ATXN2: variants seen among roughly 807,000 people sequenced by gnomAD.
ATXN2 encodes the protein ataxin-2.
In ATXN2, 37 loss-of-function variants were observed where a neutral mutation model predicts 138.6. The ratio of observed to expected loss-of-function variants is 0.27; its 90% CI spans 0.21 to 0.35. ATXN2 has a LOEUF of 0.35. Among genes scored for constraint, ATXN2 ranks in the 10% least tolerant of loss-of-function variants. The pLI, the probability that ATXN2 is intolerant of heterozygous loss-of-function variation, is 1.00. For synonymous variants in ATXN2, 549 were observed against 543.7 expected (o/e 1.01, Z -0.13); for missense variants, 1,216 against 1,480.3 (o/e 0.82, Z 2.93).
chr12:111,463,918 C>T (rs1338498353), intron 21 of ATXN2, among the ~76,000 whole-genome samples: 1 of 152,154 alleles, frequency 6.6e-6, no homozygotes, highest in African/African-American at 2.4e-5. Context: ...TCCCTAGTAG[C>T]TGAGATTATA....
chr12:111,491,222 C>T (rs905810937), intron 14 of ATXN2, among the ~76,000 whole-genome samples: 35 of 152,202 alleles, frequency 2.3e-4, no homozygotes, highest in African/African-American at 8.2e-4. Flanking sequence ...CACTATACTC[C>T]AGCCTGGGCA....
At chr12:111,542,742 A>G (rs1324274852) in intron 5 of ATXN2, among the ~76,000 whole-genome samples, 3 of 152,174 alleles carry the variant, frequency 2.0e-5, no homozygotes, top group Admixed American at 2.0e-4. Context: ...AATTACAGGC[A>G]TGAGCCACTG....
At chr12:111,529,181 A>G (rs1409752622) in intron 5 of ATXN2, among the ~76,000 whole-genome samples, 1 of 152,170 alleles carries the variant, frequency 6.6e-6, no homozygotes, top group Non-Finnish European at 1.5e-5. Context: ...TGTAACCAGG[A>G]TTCCTGCAAA....
At position 111,519,998 on chromosome 12, in the gene ATXN2, C is replaced by A. The variant is rs751306355; in HGVS notation, c.867G>T (p.Glu289Asp). The A allele has an allele frequency of 1.2e-6, 2 of 1,614,108 alleles. No individual in the cohort carries two copies. The highest frequency in any genetic ancestry group is 1.7e-6 in the Non-Finnish European group (2 of 1,180,032). ...ARANQLAEEI[E>D]SSAQYKARVA... ...CTCGAGCTTTGTACTGGGCACTTGA[C>A]TCAATTTCTTCTGCTAACTGGTTTG... The change falls in exon 8 of 25, where the codon GAG becomes GAT. Residue 289 changes from glutamate to aspartate, a missense_variant. By Grantham distance (45) the Glu-to-Asp change is conservative (BLOSUM62 2). Transcript: ENST00000673436.
intron 20 of ATXN2, among the ~76,000 whole-genome samples, chr12:111,467,776 T>C (rs1876125546): frequency 6.6e-6 from 1 of 152,346 alleles, no homozygotes; most frequent in African/African-American, 2.4e-5. Context: ...CAAATGGACA[T>C]GTTCTAGGAA....
At chr12:111,491,551 T>C (rs901295097) in intron 14 of ATXN2, among the ~76,000 whole-genome samples, 2 of 152,190 alleles carry the variant, frequency 1.3e-5, no homozygotes, top group African/African-American at 2.4e-5. Flanking sequence ...ATGTGGATAC[T>C]AGTTCAGCCA....
At chr12:111,572,780 A>G (rs1294258667) in intron 1 of ATXN2, among the ~76,000 whole-genome samples, 1 of 152,142 alleles carries the variant, frequency 6.6e-6, no homozygotes, top group East Asian at 1.9e-4. Context: ...GTGTCCTTCT[A>G]GCCCCAGACT....
At position 111,478,145 on chromosome 12, in the gene ATXN2, A is replaced by AC. The variant is rs535252342; in HGVS notation, c.2524+7119dup. ...TATTAGGACAGGCGCAGTGGCTCAC[A>AC]CCTGTAATCTCAGCACTTTGGGAGG... On this transcript the variant is annotated intron_variant, in intron 18 of 24. Coordinates refer to ENST00000673436, the MANE Select transcript of ATXN2 (RefSeq NM_001372574.1). 2.8e-3 allele frequency among the ~76,000 whole-genome samples: 421 copies of AC among 151,958 alleles called. 4 individuals are homozygous for AC. Among genetic ancestry groups the AC allele is most frequent in the African/African-American group, 9.6e-3 (398 of 41,468 alleles).
chr12:111,508,236 G>A (rs1008699271), intron 14 of ATXN2, among the ~76,000 whole-genome samples: 1 of 151,580 alleles, frequency 6.6e-6, no homozygotes, highest in Non-Finnish European at 1.5e-5. Flanking sequence ...TTCATATGCA[G>A]TATAAATATA....
intron 1 of ATXN2, among the ~76,000 whole-genome samples, chr12:111,576,859 G>A (rs1424954809): frequency 1.3e-5 from 2 of 151,902 alleles, no homozygotes; most frequent in South Asian, 2.1e-4. Flanking sequence ...TTGGGAGGCT[G>A]AGGCAGGAGA....
intron 1 of ATXN2, among the ~76,000 whole-genome samples, chr12:111,596,059 G>A (rs1205515159): frequency 6.6e-6 from 1 of 152,146 alleles, no homozygotes; most frequent in Non-Finnish European, 1.5e-5. Context: ...AATTAGCCAG[G>A]TGTGGTAGCA....
Position 111,552,790 on chromosome 12 carries a change from T to C in ATXN2, c.420+116A>G. 1.5e-6 allele frequency: 1 copy of C among 667,458 alleles called. No individual in the cohort carries two copies. Among genetic ancestry groups the C allele is most frequent in the Non-Finnish European group, 2.4e-6 (1 of 408,522 alleles). 41.3% of individuals were successfully genotyped at this position (667,458 alleles called of 1,614,324 possible). A position where few individuals can be genotyped will look rare whatever the true frequency, so the allele number is the denominator to read the frequency against. On this transcript the variant is annotated intron_variant, in intron 4 of 24. Transcript: ENST00000673436. The surrounding 1 kb of genome is among the most constrained non-coding windows in gnomAD (Gnocchi z 4.1). ...TTACACAAACCAGTCTATAAAATAA[T>C]CAGTATTTGAAACTGAGAAGTAAAA...
chr12:111,595,885 A>G (rs1004936501), intron 1 of ATXN2, among the ~76,000 whole-genome samples: 5 of 147,084 alleles, frequency 3.4e-5, no homozygotes, highest in Non-Finnish European at 7.4e-5. Flanking sequence ...CAACATGGTG[A>G]AACCCCATCT....
chr12:111,539,074 G>A (rs1039803458), intron 5 of ATXN2, among the ~76,000 whole-genome samples: 1 of 150,292 alleles, frequency 6.7e-6, no homozygotes, highest in Non-Finnish European at 1.5e-5. Context: ...TACTGTTTAT[G>A]GGTGAACATT....
chr12:111,594,989 C>T (rs1321405530), intron 1 of ATXN2, among the ~76,000 whole-genome samples: 1 of 152,132 alleles, frequency 6.6e-6, no homozygotes, highest in African/African-American at 2.4e-5. Context: ...CCAAATTAAA[C>T]TCAAATATCA....
At chr12:111,470,499 C>G in intron 19 of ATXN2, 59 bp downstream of exon 19, 1 of 1,567,094 alleles carries the variant, frequency 6.4e-7, no homozygotes, top group Non-Finnish European at 8.7e-7. Context: ...ATCCCTTTAC[C>G]ATATTAAAAG....
chr12:111,568,816 C>T (rs1032034866), intron 1 of ATXN2, among the ~76,000 whole-genome samples: 4 of 152,204 alleles, frequency 2.6e-5, no homozygotes, highest in African/African-American at 9.7e-5. Flanking sequence ...GGTTAACTCA[C>T]TTAGGTGAGT....
At position 111,510,320 on chromosome 12, in the gene ATXN2, A is replaced by C. The variant is rs539019131; in HGVS notation, c.1756+65T>G. ...AAATAACCTAGAATTTTTTCATATA[A>C]TATCACCCTCTAACATTCAATTTCA... is the stretch of plus-strand genomic sequence containing the variant. On this transcript the variant is annotated intron_variant, in intron 12 of 24. Transcript: ENST00000673436. 1.4e-3 allele frequency: 2,152 copies of C among 1,505,268 alleles called. 3 individuals are homozygous for C. The highest frequency in any genetic ancestry group is 2.2e-3 in the Middle Eastern group (12 of 5,522). 93.2% of individuals were successfully genotyped at this position (1,505,268 alleles called of 1,614,324 possible). A position where few individuals can be genotyped will look rare whatever the true frequency, so the allele number is the denominator to read the frequency against.
intron 21 of ATXN2, among the ~76,000 whole-genome samples, chr12:111,458,673 C>A (rs557708324): frequency 7.9e-5 from 12 of 152,252 alleles, no homozygotes; most frequent in African/African-American, 2.9e-4. Context: ...AAAATAGTTC[C>A]CCACATTCTT....
Sources: gnomAD v4.1 joint callset for allele counts (sites outside exome capture counted in the v4.1 genomes callset) on GRCh38, gnomAD v4.1.1 for gene constraint, Gnocchi (gnomAD v3.1) non-coding constraint, MANE v1.5 for transcripts, NCBI Gene and HGNC (gene_info 2026-07-23, HGNC 2026-07-21) for gene names.